Variants in UIMC1 observed in about 807,000 individuals in gnomAD.
The protein encoded by UIMC1 is BRCA1-A complex subunit RAP80.
UIMC1 carries 42 observed loss-of-function variants against 84.9 expected under a neutral mutation model. The observed-to-expected ratio is 0.49, with a 90% CI of 0.39 to 0.64. The LOEUF is 0.64. Among genes scored for constraint, UIMC1 ranks in the 30% least tolerant of loss-of-function variants. UIMC1 has a pLI of 0.00. For synonymous variants in UIMC1, 281 were observed against 293.0 expected (o/e 0.96, Z 0.42); for missense variants, 825 against 847.6 (o/e 0.97, Z 0.33).
At chr5:177,011,100 A>G (rs748241410), upstream of UIMC1, among the ~76,000 whole-genome samples, 9 of 151,814 alleles carry the variant, frequency 5.9e-5, no homozygotes, top group Non-Finnish European at 1.2e-4. Flanking sequence ...CTGAGGTGGG[A>G]GGATAGCTTG....
intron 2 of UIMC1, among the ~76,000 whole-genome samples, chr5:176,979,212 C>G (rs1166037628): frequency 2.6e-4 from 39 of 152,172 alleles, no homozygotes; most frequent in Non-Finnish European, 8.8e-5. Context: ...TATGTCTAAT[C>G]ACCAATACTT....
chr5:177,005,686 C>G (rs933773327), intron 1 of UIMC1, among the ~76,000 whole-genome samples: 1 of 151,938 alleles, frequency 6.6e-6, no homozygotes, highest in Non-Finnish European at 1.5e-5. Context: ...AACACACTTT[C>G]ATTCGACTAC....
intron 7 of UIMC1, among the ~76,000 whole-genome samples, chr5:176,956,967 A>G (rs1766686685): frequency 6.6e-6 from 1 of 152,178 alleles, no homozygotes; most frequent in Non-Finnish European, 1.5e-5. Context: ...GTCCATCACA[A>G]AACAATTTTC....
intron 10 of UIMC1, among the ~76,000 whole-genome samples, chr5:176,924,020 A>G (rs1762070430): frequency 6.7e-6 from 1 of 150,318 alleles, no homozygotes; most frequent in Admixed American, 6.7e-5. Context: ...AAAGACTAGA[A>G]TATCTACCAC....
intron 2 of UIMC1, among the ~76,000 whole-genome samples, chr5:176,977,021 G>A (rs969226246): frequency 6.6e-6 from 1 of 152,078 alleles, no homozygotes; most frequent in Admixed American, 6.6e-5. Context: ...TCAGGAGGTC[G>A]AGACCAGCCT....
intron 2 of UIMC1, among the ~76,000 whole-genome samples, chr5:176,977,240 AAG>A (rs1180802848): frequency 6.0e-5 from 9 of 151,218 alleles, no homozygotes; most frequent in African/African-American, 1.5e-4. Context: ...AAAAAAAAAA[AAG>A]AGAGAGAGAG....
At chr5:176,985,118 T>A (rs150008879) in intron 1 of UIMC1, among the ~76,000 whole-genome samples, 1 of 152,088 alleles carries the variant, frequency 6.6e-6, no homozygotes, top group African/African-American at 2.4e-5. Context: ...ATAGAGGAAT[T>A]TTTTTTAGAA....
chr5:176,969,721 C>A lies in UIMC1; in HGVS notation c.358-15G>T. 1.2e-6 allele frequency: 2 copies of A among 1,610,704 alleles called. No homozygotes were observed. Among genetic ancestry groups the A allele is most frequent in the Non-Finnish European group, 8.5e-7 (1 of 1,177,150 alleles). On this transcript the variant is annotated splice_polypyrimidine_tract_variant and intron_variant, in intron 4 of 14. Transcript: ENST00000511320. ...GGCCGGCAACTCTGAAACAAGTGAT[C>A]CCATACCAGACCAGGTTTATTATTA...
chr5:176,982,346 TA>T, intron 2 of UIMC1, 122 bp downstream of exon 2: 1 of 1,132,886 alleles, frequency 8.8e-7, no homozygotes. Flanking sequence ...CAAAGCTGAG[TA>T]AAAATTTCAT....
At chr5:177,010,436 T>G (rs967844641), upstream of UIMC1, among the ~76,000 whole-genome samples, 3 of 152,190 alleles carry the variant, frequency 2.0e-5, no homozygotes, top group Non-Finnish European at 2.9e-5. Context: ...AACACACATA[T>G]TCTTATGCAA....
At chr5:176,965,894 A>C (rs1397610145) in intron 6 of UIMC1, among the ~76,000 whole-genome samples, 1 of 152,216 alleles carries the variant, frequency 6.6e-6, no homozygotes, top group African/African-American at 2.4e-5. Context: ...ATTACAATAA[A>C]TCATTAAGTG....
At chr5:176,993,885 G>T (rs1175087843) in intron 1 of UIMC1, among the ~76,000 whole-genome samples, 1 of 151,860 alleles carries the variant, frequency 6.6e-6, no homozygotes, top group Non-Finnish European at 1.5e-5. Flanking sequence ...GCAGGCACTT[G>T]TAGTCCCAGC....
At chr5:177,015,905 A>C (rs2149555182) in intron 1 of UIMC1, among the ~76,000 whole-genome samples, 1 of 152,076 alleles carries the variant, frequency 6.6e-6, no homozygotes, top group East Asian at 1.9e-4. Context: ...CCCTGTCTCT[A>C]CCTAAAATTA....
chr5:176,956,655 A>G (rs1766637083), intron 7 of UIMC1, among the ~76,000 whole-genome samples: 1 of 152,026 alleles, frequency 6.6e-6, no homozygotes, highest in Non-Finnish European at 1.5e-5. Context: ...ATGGAGTGCA[A>G]TCTCTTCCTG....
At chr5:176,918,317 C>T (rs1025390238) in intron 10 of UIMC1, among the ~76,000 whole-genome samples, 2 of 152,234 alleles carry the variant, frequency 1.3e-5, no homozygotes, top group Non-Finnish European at 2.9e-5. Flanking sequence ...CCATCCAGTA[C>T]TCCAGCCTCT....
At chr5:176,974,502 A>G (rs1769750007) in intron 3 of UIMC1, among the ~76,000 whole-genome samples, 3 of 152,202 alleles carry the variant, frequency 2.0e-5, no homozygotes, top group Admixed American at 2.0e-4. Flanking sequence ...TAGGACATAG[A>G]AAGAAAAAAA....
intron 6 of UIMC1, among the ~76,000 whole-genome samples, chr5:176,959,769 C>T (rs896700859): frequency 1.9e-4 from 28 of 151,286 alleles, no homozygotes; most frequent in African/African-American, 6.8e-4. Context: ...CGGTGGCTCA[C>T]GCCTGTAATC....
At chr5:176,907,524 G>C (rs1393914361) in intron 12 of UIMC1, among the ~76,000 whole-genome samples, 1 of 152,140 alleles carries the variant, frequency 6.6e-6, no homozygotes, top group African/African-American at 2.4e-5. Flanking sequence ...TCACAGAGAG[G>C]GGTCTCTTTC....
At chr5:177,000,609 T>C (rs996284755) in intron 1 of UIMC1, among the ~76,000 whole-genome samples, 1 of 150,538 alleles carries the variant, frequency 6.6e-6, no homozygotes, top group Non-Finnish European at 1.5e-5. Flanking sequence ...CAAGTGATTC[T>C]CCTGCCTCAG....
Sources: allele counts gnomAD v4.1 joint callset (sites outside exome capture counted in the v4.1 genomes callset), GRCh38; gene constraint gnomAD v4.1.1; transcripts MANE v1.5; gene names NCBI Gene and HGNC (gene_info 2026-07-23, HGNC 2026-07-21).